CSMD1: variants seen among roughly 807,000 people sequenced by gnomAD.
The protein encoded by CSMD1 is CUB and Sushi multiple domains 1.
In CSMD1, 213 loss-of-function variants were observed where a neutral mutation model predicts 417.5. The observed-to-expected ratio is 0.51, with a 90% CI of 0.46 to 0.57. CSMD1 has a LOEUF of 0.57. CSMD1 is among the 20% of genes least tolerant of loss of function. The pLI, the probability that CSMD1 is intolerant of heterozygous loss-of-function variation, is 0.00. For missense variants in CSMD1, 6,923 were observed against 4,529.7 expected (o/e 1.53, Z -15.17); for synonymous variants, 2,862 against 1,736.8 (o/e 1.65, Z -16.11).
intron 12 of CSMD1, among the ~76,000 whole-genome samples, chr8:3,411,353 C>T (rs943599706): frequency 6.7e-6 from 1 of 148,926 alleles, no homozygotes; most frequent in Non-Finnish European, 1.5e-5. Context: ...AACCTAACTA[C>T]TTCCTTTCCT....
intron 1 of CSMD1, among the ~76,000 whole-genome samples, chr8:4,750,482 C>G (rs943517907): frequency 3.3e-5 from 5 of 152,146 alleles, no homozygotes; most frequent in African/African-American, 1.2e-4. Flanking sequence ...TGGGCAATGC[C>G]TCTTAATTTC....
At chr8:4,104,946 T>G (rs1157149603) in intron 3 of CSMD1, among the ~76,000 whole-genome samples, 1 of 152,112 alleles carries the variant, frequency 6.6e-6, no homozygotes, top group Non-Finnish European at 1.5e-5. Context: ...TAAACATGCT[T>G]GCTCACAGCC....
At chr8:3,587,064 T>G (rs1055120467) in intron 8 of CSMD1, among the ~76,000 whole-genome samples, 10 of 152,226 alleles carry the variant, frequency 6.6e-5, no homozygotes, top group Admixed American at 6.5e-4. Context: ...CCTCTCAAAA[T>G]GCTAGGATTA....
At chr8:4,278,864 C>T (rs1209026455) in intron 3 of CSMD1, among the ~76,000 whole-genome samples, 1 of 152,256 alleles carries the variant, frequency 6.6e-6, no homozygotes, top group African/African-American at 2.4e-5. Context: ...TTCTCAATTG[C>T]AGTATGTATG....
At chr8:4,133,524 T>C (rs1803236218) in intron 3 of CSMD1, among the ~76,000 whole-genome samples, 1 of 152,190 alleles carries the variant, frequency 6.6e-6, no homozygotes, top group African/African-American at 2.4e-5. Context: ...CATATTCTAC[T>C]TTTCCTTCTC....
chr8:3,614,348 C>G (rs944106997), intron 8 of CSMD1, among the ~76,000 whole-genome samples: 1 of 151,632 alleles, frequency 6.6e-6, no homozygotes, highest in Non-Finnish European at 1.5e-5. Context: ...CTCCCTACAC[C>G]GCCCCCCGAG....
intron 5 of CSMD1, among the ~76,000 whole-genome samples, chr8:3,923,498 TTG>T (rs1009153530): frequency 6.6e-6 from 1 of 152,170 alleles, no homozygotes; most frequent in African/African-American, 2.4e-5. Flanking sequence ...CTTAAAGGTA[TTG>T]TGTGTGTGTC....
intron 25 of CSMD1, among the ~76,000 whole-genome samples, chr8:3,293,203 T>G (rs916135079): frequency 4.6e-5 from 7 of 152,242 alleles, no homozygotes; most frequent in Non-Finnish European, 1.0e-4. Flanking sequence ...CCGCTGTTGG[T>G]CTGATGGGCT....
At chr8:3,704,391 G>C (rs1260977329) in intron 7 of CSMD1, among the ~76,000 whole-genome samples, 1 of 152,208 alleles carries the variant, frequency 6.6e-6, no homozygotes, top group East Asian at 1.9e-4. Flanking sequence ...AGGGAGGAGG[G>C]GGCCTTCCTA....
intron 1 of CSMD1, among the ~76,000 whole-genome samples, chr8:4,969,017 T>C (rs1017500725): frequency 2.6e-5 from 4 of 152,180 alleles, no homozygotes; most frequent in Non-Finnish European, 5.9e-5. Context: ...CTGTCGCTTC[T>C]GGAAAGCCAC....
intron 3 of CSMD1, among the ~76,000 whole-genome samples, chr8:4,306,247 A>G (rs993293454): frequency 1.3e-5 from 2 of 152,194 alleles, no homozygotes; most frequent in African/African-American, 4.8e-5. Context: ...CACTAACAAT[A>G]CGTGGTGGCA....
At position 4,602,610 on chromosome 8, in the gene CSMD1, T is replaced by C. The variant is rs540916984; in HGVS notation, c.302+34732A>G. On this transcript the variant is annotated intron_variant, in intron 2 of 69. Coordinates refer to ENST00000635120, the MANE Select transcript of CSMD1 (RefSeq NM_033225.6). ...ACAAGTAAAGAAATATTCTATAAAA[T>C]TCAAAGAAGTTTGAAGGCGTATTTT... Among the ~76,000 whole-genome samples, 7 of 152,314 alleles carry C rather than the reference T, an allele frequency of 4.6e-5. No individual in the cohort carries two copies. The South Asian group carries it at 1.2e-3, about 27-fold the overall frequency.
chr8:3,288,786 C>G (rs528371168), intron 25 of CSMD1, among the ~76,000 whole-genome samples: 1 of 146,500 alleles, frequency 6.8e-6, no homozygotes, highest in South Asian at 2.1e-4. Flanking sequence ...GGGTTTTTCT[C>G]TTTTTTATAT....
chr8:3,765,120 G>A (rs902273150), intron 5 of CSMD1, among the ~76,000 whole-genome samples: 1 of 152,086 alleles, frequency 6.6e-6, no homozygotes, highest in Non-Finnish European at 1.5e-5. Context: ...TCTTAGTACT[G>A]AAGACCCTTT....
intron 1 of CSMD1, among the ~76,000 whole-genome samples, chr8:4,824,766 G>C (rs558875136): frequency 1.3e-5 from 2 of 152,146 alleles, no homozygotes; most frequent in South Asian, 2.1e-4. Context: ...AAAGACAAAA[G>C]CTAACAAGAG....
At chr8:3,211,088 A>G (rs1212352845) in intron 30 of CSMD1, among the ~76,000 whole-genome samples, 2 of 152,180 alleles carry the variant, frequency 1.3e-5, no homozygotes, top group African/African-American at 2.4e-5. Flanking sequence ...CCTGTTGCCC[A>G]GGCTGGAGTG....
chr8:4,547,325 A>G (rs1797682473), intron 2 of CSMD1, among the ~76,000 whole-genome samples: 1 of 152,174 alleles, frequency 6.6e-6, no homozygotes, highest in Non-Finnish European at 1.5e-5. Flanking sequence ...TTTCCAATCA[A>G]TTTTCCACGT....
chr8:4,110,841 G>T (rs752758125), intron 3 of CSMD1, among the ~76,000 whole-genome samples: 12 of 151,848 alleles, frequency 7.9e-5, no homozygotes, highest in Non-Finnish European at 1.2e-4. Flanking sequence ...TTTTTTTAAG[G>T]AAATCAGAGA....
At chr8:4,362,708 G>C (rs1235295238) in intron 3 of CSMD1, among the ~76,000 whole-genome samples, 3 of 152,212 alleles carry the variant, frequency 2.0e-5, no homozygotes, top group East Asian at 1.9e-4. Flanking sequence ...AGATTTGTAA[G>C]AGAAAAGGAC....
Sources: gnomAD v4.1 joint callset for allele counts (sites outside exome capture counted in the v4.1 genomes callset) on GRCh38, gnomAD v4.1.1 for gene constraint, MANE v1.5 for transcripts, NCBI Gene and HGNC (gene_info 2026-07-23, HGNC 2026-07-21) for gene names.